The following ST6GALNAC3 variants were observed in gnomAD, a reference collection of about 807,000 sequenced individuals.
ST6GALNAC3 encodes alpha-N-acetylgalactosaminide alpha-2,6-sialyltransferase 3.
Under a neutral mutation model 32.7 loss-of-function variants are expected in ST6GALNAC3, and 25 were observed. The observed-to-expected ratio is 0.76, with a 90% CI of 0.56 to 1.07. The LOEUF (loss-of-function observed/expected upper bound fraction) is 1.07. Among genes scored for constraint, ST6GALNAC3 ranks in the 50% least tolerant of loss-of-function variants. The probability of loss-of-function intolerance (pLI) is 0.00; values close to 1 mark genes in which losing one functional copy is unlikely to be tolerated. For synonymous variants in ST6GALNAC3, 129 were observed against 133.1 expected (o/e 0.97, Z 0.21); for missense variants, 355 against 382.4 (o/e 0.93, Z 0.60).
intron 3 of ST6GALNAC3, among the ~76,000 whole-genome samples, chr1:76,431,177 G>T (rs1392729127): frequency 1.3e-5 from 2 of 152,098 alleles, no homozygotes; most frequent in African/African-American, 2.4e-5. Context: ...GCAAGTTCTG[G>T]ATCACCTGTA....
chr1:76,541,925 C>G (rs560960635), intron 3 of ST6GALNAC3, among the ~76,000 whole-genome samples: 1 of 152,274 alleles, frequency 6.6e-6, no homozygotes, highest in South Asian at 2.1e-4. Context: ...ATTAGGAGTA[C>G]TATTCACCCC....
chr1:76,499,067 A>G (rs2101719236), intron 3 of ST6GALNAC3, among the ~76,000 whole-genome samples: 1 of 152,304 alleles, frequency 6.6e-6, no homozygotes, highest in East Asian at 1.9e-4. Context: ...AAATGTATAA[A>G]CAACCAAATA....
chr1:76,448,242 A>G (rs1657128383), intron 3 of ST6GALNAC3, among the ~76,000 whole-genome samples: 1 of 152,122 alleles, frequency 6.6e-6, no homozygotes, highest in Admixed American at 6.6e-5. Flanking sequence ...TGGGGCCTTT[A>G]GCACCTTGGT....
chr1:76,607,595 G>T (rs1003284294), intron 3 of ST6GALNAC3, among the ~76,000 whole-genome samples: 1 of 152,128 alleles, frequency 6.6e-6, no homozygotes, highest in Non-Finnish European at 1.5e-5. Context: ...TGTTCCTATC[G>T]TCCCTATCAC....
chr1:76,331,169 G>A (rs1647180397), intron 2 of ST6GALNAC3, among the ~76,000 whole-genome samples: 1 of 152,112 alleles, frequency 6.6e-6, no homozygotes, highest in African/African-American at 2.4e-5. Context: ...ACTCAGATAT[G>A]CAGTGGTGTC....
intron 3 of ST6GALNAC3, among the ~76,000 whole-genome samples, chr1:76,473,791 G>A (rs978651857): frequency 6.6e-6 from 1 of 152,110 alleles, no homozygotes; most frequent in Admixed American, 6.6e-5. Flanking sequence ...CCATCAAGAG[G>A]TGGAGTCTAC....
At chr1:76,108,896 G>A (rs369198062) in intron 1 of ST6GALNAC3, among the ~76,000 whole-genome samples, 1 of 119,172 alleles carries the variant, frequency 8.4e-6, no homozygotes, top group East Asian at 2.6e-4. Flanking sequence ...GTGTGTGTGT[G>A]TGTTTCTGAA....
chr1:76,486,807 T>C (rs1327624111), intron 3 of ST6GALNAC3, among the ~76,000 whole-genome samples: 1 of 152,226 alleles, frequency 6.6e-6, no homozygotes, highest in Non-Finnish European at 1.5e-5. Context: ...GTTGATGCAG[T>C]TTCTTCCTAG....
chr1:76,338,381 G>A (rs1272578492), intron 2 of ST6GALNAC3, among the ~76,000 whole-genome samples: 3 of 152,188 alleles, frequency 2.0e-5, no homozygotes, highest in Non-Finnish European at 2.9e-5. Context: ...ATTTCAGCCA[G>A]AATCCTGTGT....
chr1:76,307,430 C>G (rs1400973659), intron 1 of ST6GALNAC3, among the ~76,000 whole-genome samples: 1 of 152,218 alleles, frequency 6.6e-6, no homozygotes, highest in East Asian at 1.9e-4. Flanking sequence ...AGAACTATAA[C>G]ATATTGATGA....
At chr1:76,591,860 A>G (rs969428810) in intron 3 of ST6GALNAC3, among the ~76,000 whole-genome samples, 5 of 152,150 alleles carry the variant, frequency 3.3e-5, no homozygotes, top group African/African-American at 1.2e-4. Context: ...CTATGTCCCT[A>G]GGACCTAGAA....
rs1445088418 is a variant in ST6GALNAC3, at chr1:76,483,599, T to A, written c.623+71182T>A. Among the ~76,000 whole-genome samples, 2 of 151,752 alleles carry A rather than the reference T, an allele frequency of 1.3e-5. 1 individual carries two copies. Among genetic ancestry groups the A allele is most frequent in the Non-Finnish European group, 3.0e-5 (2 of 67,790 alleles). On this transcript the variant is annotated intron_variant, in intron 3 of 4. Coordinates refer to ENST00000328299, the MANE Select transcript of ST6GALNAC3 (RefSeq NM_152996.4). ...TTGTTTTTTTCTTGTAAATTTGAGTTCTTTGTAGATTCTGGATATTAGCCC... is the reference window on the plus strand; with the variant it reads ...TTGTTTTTTTCTTGTAAATTTGAGTACTTTGTAGATTCTGGATATTAGCCC...
At chr1:76,544,228 C>T (rs1314695796) in intron 3 of ST6GALNAC3, among the ~76,000 whole-genome samples, 3 of 151,938 alleles carry the variant, frequency 2.0e-5, no homozygotes, top group Non-Finnish European at 4.4e-5. Context: ...TTAATGCTTC[C>T]ACTGAACAAA....
At chr1:76,202,296 G>T (rs1654570975) in intron 1 of ST6GALNAC3, among the ~76,000 whole-genome samples, 1 of 149,768 alleles carries the variant, frequency 6.7e-6, no homozygotes, top group African/African-American at 2.5e-5. Flanking sequence ...GTGTGTGTGT[G>T]TGTGTGTATG....
intron 3 of ST6GALNAC3, among the ~76,000 whole-genome samples, chr1:76,588,946 C>T (rs1182647400): frequency 6.6e-6 from 1 of 152,202 alleles, no homozygotes; most frequent in Non-Finnish European, 1.5e-5. Flanking sequence ...CTTTTCAGGT[C>T]ATTTATCATC....
chr1:76,158,558 T>C (rs998904928), intron 1 of ST6GALNAC3, among the ~76,000 whole-genome samples: 3 of 152,238 alleles, frequency 2.0e-5, no homozygotes, highest in Non-Finnish European at 4.4e-5. Flanking sequence ...CATCCTTCTC[T>C]TCCTTTTGTT....
intron 1 of ST6GALNAC3, among the ~76,000 whole-genome samples, chr1:76,075,525 G>C (rs1415239701): frequency 6.6e-6 from 1 of 152,136 alleles, no homozygotes; most frequent in Non-Finnish European, 1.5e-5. Flanking sequence ...ATGATTTTAT[G>C]CTCTGCCAGA....
chr1:76,198,553 A>C (rs1654338301), intron 1 of ST6GALNAC3, among the ~76,000 whole-genome samples: 1 of 152,222 alleles, frequency 6.6e-6, no homozygotes, highest in South Asian at 2.1e-4. Context: ...ATGTACACTT[A>C]AGATATAATT....
At chr1:76,624,317 CA>C (rs1648828425) in intron 3 of ST6GALNAC3, among the ~76,000 whole-genome samples, 1 of 151,858 alleles carries the variant, frequency 6.6e-6, no homozygotes, top group Admixed American at 6.6e-5. Flanking sequence ...GATCCTTGAC[CA>C]GATGCCAAAC....
Sources: gnomAD v4.1 joint callset for allele counts (sites outside exome capture counted in the v4.1 genomes callset) on GRCh38, gnomAD v4.1.1 for gene constraint, MANE v1.5 for transcripts, NCBI Gene and HGNC (gene_info 2026-07-23, HGNC 2026-07-21) for gene names.